The following RGPD2 variants were observed in gnomAD, a reference collection of about 807,000 sequenced individuals.
RGPD2 encodes the protein RANBP2-like and GRIP domain-containing protein 2.
Under a neutral mutation model 36.0 loss-of-function variants are expected in RGPD2, and 2 were observed. The observed-to-expected ratio is 0.06, with a 90% CI of 0.02 to 0.17. The LOEUF is 0.17. Among genes scored for constraint, RGPD2 ranks in the 10% least tolerant of loss-of-function variants. RGPD2 has a pLI of 1.00. For missense variants in RGPD2, 40 were observed against 464.3 expected, an observed-to-expected ratio of 0.09 and a Z score of 8.40; for synonymous variants, 19 against 163.8, an observed-to-expected ratio of 0.12 and a Z score of 6.75.
At chr2:87,983,235 G>A in the RGPD2 span, among the ~76,000 whole-genome samples, 7 of 152,302 alleles carry the variant, frequency 4.6e-5, no homozygotes, top group South Asian at 2.1e-4. Flanking sequence ...CACAAGAATC[G>A]CTCCAACTTA....
the RGPD2 span, among the ~76,000 whole-genome samples, chr2:87,943,462 C>T: frequency 6.6e-6 from 1 of 151,790 alleles, no homozygotes; most frequent in Non-Finnish European, 1.5e-5. Flanking sequence ...TATTTTGTTC[C>T]ATAATGTTGT....
chr2:87,911,242 T>C, the RGPD2 span, among the ~76,000 whole-genome samples: 80,394 of 108,794 alleles, frequency 0.74, 30,135 homozygotes, highest in East Asian at 0.89. Flanking sequence ...AAATCAAGGT[T>C]GAATGTGTCT....
At chr2:87,834,420 T>A in the RGPD2 span, among the ~76,000 whole-genome samples, 2 of 152,024 alleles carry the variant, frequency 1.3e-5, no homozygotes, top group Non-Finnish European at 2.9e-5. Flanking sequence ...TCTCCTTATA[T>A]GAAGATTACA....
chr2:87,883,686 A>G, the RGPD2 span, among the ~76,000 whole-genome samples: 1 of 152,000 alleles, frequency 6.6e-6, no homozygotes, highest in Admixed American at 6.6e-5. Flanking sequence ...TAAAAAATAA[A>G]CTTTAGGTCA....
the RGPD2 span, among the ~76,000 whole-genome samples, chr2:87,922,033 C>T: frequency 6.6e-6 from 1 of 151,374 alleles, no homozygotes; most frequent in African/African-American, 2.5e-5. Flanking sequence ...GTGGCTCACG[C>T]CTGTAATCCC....
At chr2:87,970,249 C>CA in the RGPD2 span, among the ~76,000 whole-genome samples, 1 of 151,942 alleles carries the variant, frequency 6.6e-6, no homozygotes, top group African/African-American at 2.4e-5. Flanking sequence ...GGAAAACCTC[C>CA]AAAAGTTCTT....
intron 1 of RGPD2, among the ~76,000 whole-genome samples, chr2:87,825,416 GGCCGCCGCC>G (rs1306325278): frequency 1.4e-4 from 13 of 96,158 alleles, no homozygotes; most frequent in South Asian, 1.3e-3. Context: ...CCGAGGCCGA[GGCCGCCGCC>G]GCCGCCGCCG....
the RGPD2 span, among the ~76,000 whole-genome samples, chr2:87,964,139 AAGAG>A: frequency 6.6e-6 from 1 of 152,234 alleles, no homozygotes; most frequent in Non-Finnish European, 1.5e-5. Flanking sequence ...CCAGCATCCA[AAGAG>A]AGAATCTTCT....
chr2:87,935,273 T>G, the RGPD2 span, among the ~76,000 whole-genome samples: 3 of 149,846 alleles, frequency 2.0e-5, no homozygotes, highest in Admixed American at 6.7e-5. Context: ...GCCTCTATCT[T>G]TCCGGTATTT....
the RGPD2 span, among the ~76,000 whole-genome samples, chr2:87,966,692 C>A: frequency 2.6e-5 from 4 of 151,768 alleles, no homozygotes; most frequent in African/African-American, 9.6e-5. Context: ...CTTCGGAGGC[C>A]AAGGTGGGCA....
At chr2:87,809,797 T>A (rs549590436) in intron 6 of RGPD2, among the ~76,000 whole-genome samples, 146 of 150,322 alleles carry the variant, frequency 9.7e-4, no homozygotes, top group African/African-American at 3.4e-3. Flanking sequence ...TCCATCCCCA[T>A]GGTCATCTCC....
At chr2:87,917,064 T>C in the RGPD2 span, among the ~76,000 whole-genome samples, 1 of 151,996 alleles carries the variant, frequency 6.6e-6, no homozygotes, top group Non-Finnish European at 1.5e-5. Flanking sequence ...TGCAAATATC[T>C]AAGGTAAAAG....
chr2:87,841,390 T>C, the RGPD2 span, among the ~76,000 whole-genome samples: 1 of 152,138 alleles, frequency 6.6e-6, no homozygotes, highest in Non-Finnish European at 1.5e-5. Flanking sequence ...CTGTTTTCCT[T>C]ATAAATTACC....
the RGPD2 span, among the ~76,000 whole-genome samples, chr2:87,959,738 T>C: frequency 8.7e-4 from 132 of 151,150 alleles, 3 homozygotes; most frequent in East Asian, 0.019. Flanking sequence ...CTATTTCTCA[T>C]GTAACACAGT....
the RGPD2 span, among the ~76,000 whole-genome samples, chr2:87,907,013 G>A: frequency 3.6e-5 from 2 of 54,926 alleles, 1 homozygote. Flanking sequence ...TTGTGGGTAT[G>A]CAAATGTCCA....
At chr2:87,844,755 T>C in the RGPD2 span, among the ~76,000 whole-genome samples, 2 of 151,216 alleles carry the variant, frequency 1.3e-5, no homozygotes, top group Admixed American at 1.3e-4. Context: ...ATTTTTTATT[T>C]TATTTTACAA....
At chr2:87,830,967 A>G in the RGPD2 span, among the ~76,000 whole-genome samples, 1 of 152,198 alleles carries the variant, frequency 6.6e-6, no homozygotes, top group Non-Finnish European at 1.5e-5. Context: ...AAAAAGACCT[A>G]CAGCACATTA....
At chr2:87,972,876 C>T in the RGPD2 span, 1 of 1,611,290 alleles carries the variant, frequency 6.2e-7, no homozygotes. Flanking sequence ...TGCTGTTGGG[C>T]CTTCCGCCAC....
At chr2:87,818,030 A>AC (rs1281818387) in intron 2 of RGPD2, among the ~76,000 whole-genome samples, 3 of 125,364 alleles carry the variant, frequency 2.4e-5, no homozygotes, top group Admixed American at 8.3e-5. Context: ...TAAAAAAAAA[A>AC]AAAAAAAAAA....
Sources: allele counts gnomAD v4.1 joint callset (sites outside exome capture counted in the v4.1 genomes callset), GRCh38; gene constraint gnomAD v4.1.1; transcripts MANE v1.5; gene names NCBI Gene and HGNC (gene_info 2026-07-23, HGNC 2026-07-21).